Variants in ZNF585B observed in about 807,000 individuals in gnomAD.
ZNF585B encodes zinc finger protein 41-like protein.
In ZNF585B, 7 loss-of-function variants were observed where a neutral mutation model predicts 14.0. The observed-to-expected ratio is 0.50, with a 90% confidence interval of 0.28 to 0.94. ZNF585B has a LOEUF of 0.94. ZNF585B is among the 40% of genes least tolerant of loss of function. The probability of loss-of-function intolerance (pLI) is 0.09; values close to 1 mark genes in which losing one functional copy is unlikely to be tolerated. For synonymous variants in ZNF585B, 290 were observed against 317.3 expected (o/e 0.91, Z 0.91); for missense variants, 750 against 924.4 (o/e 0.81, Z 2.45).
In ZNF585B at chr19:37,185,159, C is replaced by A; in HGVS notation, c.*68G>T. 6.7e-7 allele frequency: 1 copy of A among 1,483,472 alleles called. No homozygotes were observed. Among genetic ancestry groups the A allele is most frequent in the East Asian group, 2.3e-5 (1 of 43,854 alleles). The allele number at this position is 1,483,472 out of a possible 1,614,324, so 91.9% of individuals were successfully genotyped here. ...TATTTACAATAATATACATATTTTT[C>A]TGCTGCATGCGTGCAACAGTGTACA... On this transcript the variant is annotated 3_prime_UTR_variant, in exon 5 of 5. Coordinates refer to ENST00000532828, the MANE Select transcript of ZNF585B (RefSeq NM_152279.4).
chr19:37,198,265 G>A (rs566878480), intron 2 of ZNF585B, among the ~76,000 whole-genome samples: 44 of 152,092 alleles, frequency 2.9e-4, no homozygotes, highest in South Asian at 2.7e-3. Flanking sequence ...TCCGCCTCCC[G>A]TGTTCAAGCG....
intron 3 of ZNF585B, 130 bp downstream of exon 3, chr19:37,189,890 TAAAC>T (rs1377851057): frequency 3.2e-5 from 50 of 1,557,856 alleles, no homozygotes; most frequent in Middle Eastern, 1.7e-4. Flanking sequence ...CTGAGTACCC[TAAAC>T]AAACAGAGAA....
chr19:37,186,236 C>A lies in ZNF585B; in HGVS notation c.1301G>T (p.Gly434Val). 1 of 1,614,214 alleles carries A rather than the reference C, an allele frequency of 6.2e-7. No individual in the cohort carries two copies. The highest frequency in any genetic ancestry group is 8.5e-7 in the Non-Finnish European group (1 of 1,180,040). ...HLITHQIIHT[G>V]EKPYKCGHCG... ...GTGACCACATTTATAAGGTTTCTCT[C>A]CAGTATGAATTATTTGATGTGTAAT... The change falls in exon 5 of 5, where the codon GGA becomes GTA. Residue 434 changes from glycine to valine, a missense_variant. Physicochemically the swap from Gly to Val is moderately radical, Grantham distance 109. Coordinates refer to ENST00000532828, the MANE Select transcript of ZNF585B (RefSeq NM_152279.4).
rs946186228 is a variant in ZNF585B, at chr19:37,189,547, C to A, written c.292+114G>T. 5 of 1,164,692 alleles carry A rather than the reference C, an allele frequency of 4.3e-6. No individual in the cohort carries two copies. The African/African-American group carries it at 7.7e-5, about 18-fold the overall frequency. 72.1% of individuals were successfully genotyped at this position (1,164,692 alleles called of 1,614,324 possible). ...TCAAGCAATATAAAAAATTCAGAGC[C>A]TTACTGAAGAGTGGTCTTAATAGCA... is the stretch of plus-strand genomic sequence containing the variant. On this transcript the variant is annotated intron_variant, in intron 4 of 4. Transcript: ENST00000532828.
Position 37,187,734 on chromosome 19 carries a change from G to T in ZNF585B, c.293-490C>A, listed in dbSNP as rs142938859. ...TAGAGCAGCTAGCAGAGGCTAGAGGGGAAGGTAAAAATGGCTTATCCAGCT... is the reference window on the plus strand; with the variant it reads ...TAGAGCAGCTAGCAGAGGCTAGAGGTGAAGGTAAAAATGGCTTATCCAGCT... On this transcript the variant is annotated intron_variant, in intron 4 of 4. Transcript: ENST00000532828. Among the ~76,000 whole-genome samples the T allele has an allele frequency of 5.9e-5, 9 of 152,230 alleles. No homozygotes were observed. The East Asian group carries it at 1.7e-3, about 29-fold the overall frequency.
rs570967656 is a variant in ZNF585B, at chr19:37,194,429, C to A, written c.73-4279G>T. ...AGGGGTTCAAAACCAGCCTGGCCAA[C>A]ATGGCAAAACCCCATCTCTGCTAAA... On this transcript the variant is annotated intron_variant, in intron 2 of 4. Coordinates refer to ENST00000532828, the MANE Select transcript of ZNF585B (RefSeq NM_152279.4). Among the ~76,000 whole-genome samples the A allele has an allele frequency of 3.3e-5, 5 of 152,266 alleles. No individual in the cohort carries two copies. In the East Asian group the frequency reaches 9.7e-4, roughly 29 times the overall value.
chr19:37,196,030 C>CA (rs1372024574), intron 2 of ZNF585B: 3 of 151,310 alleles, frequency 2.0e-5, no homozygotes, highest in African/African-American at 4.9e-5. Context: ...CTGTCCCCCT[C>CA]AAAAAAAAGA....
At chr19:37,203,104 T>G in intron 2 of ZNF585B, among the ~76,000 whole-genome samples, 1 of 152,236 alleles carries the variant, frequency 6.6e-6, no homozygotes, top group African/African-American at 2.4e-5. Flanking sequence ...TGTCACATTT[T>G]TATCAACCAT....
At position 37,182,438 on chromosome 19, in the gene ZNF585B, T is replaced by C. The variant is rs1031819852; in HGVS notation, c.*2789A>G. 2 of 152,156 alleles carry C rather than the reference T, an allele frequency of 1.3e-5. No homozygotes were observed. Among genetic ancestry groups the C allele is most frequent in the Non-Finnish European group, 2.9e-5 (2 of 68,032 alleles). 9.4% of individuals were successfully genotyped at this position (152,156 alleles called of 1,614,324 possible). The stretch of plus-strand genomic sequence containing the variant: ...ACATTGTCCTAAGTTGGGGATAATG[T>C]TGTATCACAAAATATCCAAAACTGA... On this transcript the variant is annotated 3_prime_UTR_variant, in exon 5 of 5. Coordinates refer to ENST00000532828, the MANE Select transcript of ZNF585B (RefSeq NM_152279.4).
intron 4 of ZNF585B, among the ~76,000 whole-genome samples, chr19:37,188,657 A>G (rs1972366583): frequency 7.1e-6 from 1 of 140,274 alleles, no homozygotes; most frequent in Admixed American, 7.2e-5. Flanking sequence ...CGACAGAGTG[A>G]GACTCCCTCT....
intron 1 of ZNF585B, among the ~76,000 whole-genome samples, chr19:37,208,218 G>A (rs1972607440): frequency 1.3e-5 from 2 of 152,132 alleles, no homozygotes; most frequent in Non-Finnish European, 2.9e-5. Flanking sequence ...TGATCCGCCT[G>A]CCTCGGCCTC....
rs571648313 is a variant in ZNF585B, at chr19:37,185,552, T to C, written c.1985A>G (p.Tyr662Cys). The C allele has an allele frequency of 1.8e-4, 293 of 1,613,404 alleles. 1 individual carries two copies. The South Asian group carries it at 3.1e-3, about 17-fold the overall frequency. The stretch of plus-strand genomic sequence containing the variant: ...GGTCTTCCCACATTCAGAACAAATG[T>C]AGGGCTTTTCTCCGGTATGAGTTTT... The part of the protein sequence containing the change: ...HQKTHTGEKP[Y>C]ICSECGKTFR... Residue 662 changes from tyrosine to cysteine, a missense_variant, in exon 5 of 5, where the codon TAC becomes TGC. Transcript: ENST00000532828.
Position 37,186,767 on chromosome 19 carries a change from A to G in ZNF585B, c.770T>C (p.Leu257Pro). The change falls in exon 5 of 5, where the codon CTC becomes CCC. Residue 257 changes from leucine (L) to proline (P), a missense_variant. Physicochemically the swap from Leu to Pro is moderately conservative, Grantham distance 98. Transcript: ENST00000532828. ...CGKAFTQKSTLKIHQKIHTGE... is the reference protein window; with the variant it reads ...CGKAFTQKSTPKIHQKIHTGE... ...TGTATGGATTTTCTGATGAATCTTG[A>G]GTGTGGACTTTTGTGTGAACGCTTT... is the stretch of plus-strand genomic sequence containing the variant. 1.2e-6 allele frequency: 2 copies of G among 1,614,120 alleles called. No individual in the cohort carries two copies. The highest frequency in any genetic ancestry group is 1.7e-6 in the Non-Finnish European group (2 of 1,180,018).
chr19:37,202,270 T>C (rs1039177277), intron 2 of ZNF585B, among the ~76,000 whole-genome samples: 1 of 152,240 alleles, frequency 6.6e-6, no homozygotes, highest in Non-Finnish European at 1.5e-5. Context: ...ACCAAAGTGC[T>C]AGGATTATAG....
rs1023295090 is a variant in ZNF585B at position 37,190,272 on chromosome 19, G to C, written c.73-122C>G. 5.7e-6 allele frequency: 8 copies of C among 1,399,048 alleles called. No homozygotes were observed. The South Asian group carries it at 1.2e-4, about 20-fold the overall frequency. 86.7% of individuals were successfully genotyped at this position (1,399,048 alleles called of 1,614,324 possible). On this transcript the variant is annotated intron_variant, in intron 2 of 4. Transcript: ENST00000532828. ...TTTACTTCATTTTTTTTTTGAGACAGTCTTGCTCTGTTCCCCAGGCTGGAG... is the reference window on the plus strand; with the variant it reads ...TTTACTTCATTTTTTTTTTGAGACACTCTTGCTCTGTTCCCCAGGCTGGAG...
intron 4 of ZNF585B, among the ~76,000 whole-genome samples, chr19:37,188,161 C>A (rs1253222597): frequency 6.6e-6 from 1 of 152,130 alleles, no homozygotes; most frequent in African/African-American, 2.4e-5. Context: ...ACTCAAACCT[C>A]ATCAGGTGAA....
intron 2 of ZNF585B, chr19:37,198,896 T>C (rs920031505): frequency 8.6e-7 from 1 of 1,166,826 alleles, no homozygotes; most frequent in African/African-American, 1.5e-5. Flanking sequence ...ACTAAAGATA[T>C]TTATAATTTT....
At chr19:37,199,482 AC>A in intron 2 of ZNF585B, 1 of 453,512 alleles carries the variant, frequency 2.2e-6, no homozygotes, top group Non-Finnish European at 4.4e-6. Context: ...CCGTGATTGC[AC>A]CACAGCACTC....
intron 2 of ZNF585B, chr19:37,199,028 A>G (rs1426296563): frequency 2.6e-6 from 4 of 1,528,990 alleles, no homozygotes; most frequent in South Asian, 2.4e-5. Flanking sequence ...TCAGAACATC[A>G]TTTCTTTGAA....
Sources: allele counts gnomAD v4.1 joint callset (sites outside exome capture counted in the v4.1 genomes callset), GRCh38; gene constraint gnomAD v4.1.1; transcripts MANE v1.5; gene names NCBI Gene and HGNC (gene_info 2026-07-23, HGNC 2026-07-21).